FBXO34: variants seen among roughly 807,000 people sequenced by gnomAD.
FBXO34 encodes the protein F-box only protein 34.
A neutral mutation model predicts 24.5 loss-of-function variants in FBXO34; 12 were observed. The observed-to-expected ratio is 0.49, with a 90% confidence interval of 0.31 to 0.79. The LOEUF is 0.79. Among genes scored for constraint, FBXO34 ranks in the 30% least tolerant of loss-of-function variants. The pLI, the probability that FBXO34 is intolerant of heterozygous loss-of-function variation, is 0.04. For missense variants in FBXO34, 823 were observed against 857.7 expected (o/e 0.96, Z 0.51); for synonymous variants, 320 against 311.9 (o/e 1.03, Z -0.27).
At chr14:55,421,651 T>TG in the FBXO34 span, among the ~76,000 whole-genome samples, 1 of 152,094 alleles carries the variant, frequency 6.6e-6, no homozygotes, top group Non-Finnish European at 1.5e-5. Context: ...TCAGTAGAGA[T>TG]GGGGTTTCAC....
chr14:55,386,985 C>T, the FBXO34 span, among the ~76,000 whole-genome samples: 12 of 152,202 alleles, frequency 7.9e-5, no homozygotes, highest in African/African-American at 2.7e-4. Flanking sequence ...GCCTAATCAA[C>T]CCTTGATGGT....
At chr14:55,359,607 A>G (rs1237665213) in intron 3 of FBXO34, among the ~76,000 whole-genome samples, 1 of 152,164 alleles carries the variant, frequency 6.6e-6, no homozygotes, top group East Asian at 1.9e-4. Flanking sequence ...GTGGCTGCAG[A>G]AGGTTGGGTG....
the FBXO34 span, among the ~76,000 whole-genome samples, chr14:55,405,807 A>C: frequency 6.6e-6 from 1 of 151,248 alleles, no homozygotes; most frequent in African/African-American, 2.4e-5. Flanking sequence ...CCCTTAAGGA[A>C]GCATACAGTT....
At chr14:55,424,322 C>A in the FBXO34 span, 1 of 995,250 alleles carries the variant, frequency 1.0e-6, no homozygotes, top group Non-Finnish European at 1.6e-6. Context: ...CATGTAAGGC[C>A]CAGTATATTA....
At chr14:55,421,060 CAAAAAAAAA>C in the FBXO34 span, among the ~76,000 whole-genome samples, 1 of 107,590 alleles carries the variant, frequency 9.3e-6, no homozygotes, top group Non-Finnish European at 1.8e-5. Flanking sequence ...GAATCTGTCT[CAAAAAAAAA>C]AAAAAAAAAG....
the FBXO34 span, among the ~76,000 whole-genome samples, chr14:55,430,887 A>T: frequency 6.6e-6 from 1 of 152,254 alleles, no homozygotes; most frequent in African/African-American, 2.4e-5. Flanking sequence ...CGTAATGTAA[A>T]TAAGTTCAAA....
At chr14:55,369,024 TCTGACAAACTA>T (rs1884749197), downstream of FBXO34, 1 of 150,896 alleles carries the variant, frequency 6.6e-6, no homozygotes, top group Non-Finnish European at 1.5e-5. Context: ...AACAGGAATG[TCTGACAAACTA>T]CGACAGAGCA....
downstream of FBXO34, among the ~76,000 whole-genome samples, chr14:55,364,253 TTC>T (rs150319516): frequency 6.4e-4 from 97 of 151,994 alleles, no homozygotes; most frequent in East Asian, 0.017. Flanking sequence ...CCAGCTAATT[TTC>T]TCTTTTTAAA....
intron 1 of FBXO34, among the ~76,000 whole-genome samples, chr14:55,314,746 A>G (rs1015830014): frequency 6.6e-6 from 1 of 152,222 alleles, no homozygotes; most frequent in Non-Finnish European, 1.5e-5. Context: ...GAACTAAAAC[A>G]TTTTGAACTT....
At chr14:55,314,852 T>G (rs1882874717) in intron 1 of FBXO34, among the ~76,000 whole-genome samples, 1 of 152,224 alleles carries the variant, frequency 6.6e-6, no homozygotes, top group Non-Finnish European at 1.5e-5. Context: ...TTTTGAAAAG[T>G]GTCAGTCTTT....
rs1468583559 is a variant in FBXO34 at position 55,351,853 on chromosome 14, G to T, written c.1463G>T (p.Gly488Val). The T allele has an allele frequency of 6.2e-7, 1 of 1,614,084 alleles. No homozygotes were observed. The highest frequency in any genetic ancestry group is 1.3e-5 in the African/African-American group (1 of 75,002). The change falls in exon 2 of 2, where the codon GGT becomes GTT. Residue 488 changes from glycine (G) to valine (V), a missense_variant. Coordinates refer to ENST00000313833, the MANE Select transcript of FBXO34 (RefSeq NM_017943.4). ...GGGATGTTGTTTTTTTTGCCACCTG[G>T]TCAGCACTTGTCAGACTATTCCCAG... ...VPGMLFFLPP[G>V]QHLSDYSQLN... is the part of the protein sequence containing the mutation.
the FBXO34 span, among the ~76,000 whole-genome samples, chr14:55,389,419 A>G: frequency 8.5e-5 from 13 of 152,238 alleles, no homozygotes; most frequent in Admixed American, 7.9e-4. Flanking sequence ...GGCACTGTTC[A>G]GTGTGCTGCC....
chr14:55,431,403 G>T, the FBXO34 span, among the ~76,000 whole-genome samples: 1 of 152,186 alleles, frequency 6.6e-6, no homozygotes, highest in Admixed American at 6.5e-5. Context: ...CCATTTAGCT[G>T]CTTACTTCTC....
rs147354015 is a variant in FBXO34 at position 55,312,527 on chromosome 14, C to G, written c.-10-37854C>G. 1.1e-4 allele frequency among the ~76,000 whole-genome samples: 16 copies of G among 152,344 alleles called. No homozygotes were observed. The East Asian group carries it at 3.1e-3, about 29-fold the overall frequency. ...CCCCACATTTCCCTTCCGCACTGCC[C>G]TAGCAGAGGTTCTCCATGAGGGCTC... On this transcript the variant is annotated intron_variant, in intron 1 of 1. Transcript: ENST00000313833.
At chr14:55,411,491 C>G in the FBXO34 span, 1 of 1,069,222 alleles carries the variant, frequency 9.4e-7, no homozygotes, top group Non-Finnish European at 1.3e-6. Flanking sequence ...CTCTCTCGCT[C>G]CTCTCGCTGG....
intron 1 of FBXO34, among the ~76,000 whole-genome samples, chr14:55,308,707 A>G (rs906738873): frequency 6.6e-6 from 1 of 152,250 alleles, no homozygotes; most frequent in Non-Finnish European, 1.5e-5. Flanking sequence ...CTAGGCAAGC[A>G]ATATCATCAA....
At chr14:55,391,969 G>C in the FBXO34 span, among the ~76,000 whole-genome samples, 1 of 152,162 alleles carries the variant, frequency 6.6e-6, no homozygotes, top group African/African-American at 2.4e-5. Context: ...TATATTACCA[G>C]GAGTTAGGTT....
intron 1 of FBXO34, among the ~76,000 whole-genome samples, chr14:55,294,132 T>A (rs2139685090): frequency 6.6e-6 from 1 of 152,170 alleles, no homozygotes; most frequent in South Asian, 2.1e-4. Flanking sequence ...CTTGCACTTC[T>A]AAGCTTCCTT....
chr14:55,310,495 G>T (rs946376632), intron 1 of FBXO34, among the ~76,000 whole-genome samples: 1 of 152,114 alleles, frequency 6.6e-6, no homozygotes, highest in African/African-American at 2.4e-5. Context: ...ATGGAGACAG[G>T]ATAATTTTTG....
Sources: allele counts gnomAD v4.1 joint callset (sites outside exome capture counted in the v4.1 genomes callset), GRCh38; gene constraint gnomAD v4.1.1; transcripts MANE v1.5; gene names NCBI Gene and HGNC (gene_info 2026-07-23, HGNC 2026-07-21).